ERO1B: variants seen among roughly 807,000 people sequenced by gnomAD.
ERO1B encodes endoplasmic reticulum oxidoreductase 1 beta.
ERO1B carries 49 observed loss-of-function variants against 75.3 expected under a neutral mutation model. The observed-to-expected ratio is 0.65, with a 90% CI of 0.52 to 0.83. The LOEUF is 0.83. Ranked by LOEUF, ERO1B falls within the 40% of genes least tolerant of loss-of-function variation. The pLI is 0.00. For missense variants in ERO1B, 512 were observed against 560.1 expected (o/e 0.91, Z 0.87); for synonymous variants, 191 against 192.9 (o/e 0.99, Z 0.08).
intron 2 of ERO1B, among the ~76,000 whole-genome samples, chr1:236,259,343 A>G (rs1665237705): frequency 6.6e-6 from 1 of 152,234 alleles, no homozygotes. Context: ...TTACAGATTA[A>G]CAAAAAAAGC....
At chr1:236,228,803 G>C (rs1664334022) in intron 10 of ERO1B, among the ~76,000 whole-genome samples, 1 of 152,164 alleles carries the variant, frequency 6.6e-6, no homozygotes, top group African/African-American at 2.4e-5. Flanking sequence ...AGAAAAGGTT[G>C]AGTCAGCTGC....
intron 4 of ERO1B, chr1:236,251,543 T>C: frequency 1.3e-6 from 1 of 764,188 alleles, no homozygotes; most frequent in Non-Finnish European, 1.6e-6. Flanking sequence ...ATGATGATCT[T>C]TATTATGGAT....
intron 9 of ERO1B, among the ~76,000 whole-genome samples, chr1:236,230,476 G>A (rs1047285604): frequency 3.3e-5 from 5 of 151,752 alleles, no homozygotes; most frequent in Admixed American, 1.3e-4. Context: ...AGCCGGGTAT[G>A]GAGGTGCAGG....
At chr1:236,279,621 G>A (rs1665784114) in intron 1 of ERO1B, among the ~76,000 whole-genome samples, 1 of 150,982 alleles carries the variant, frequency 6.6e-6, no homozygotes, top group African/African-American at 2.4e-5. Context: ...CTTAGGTCAG[G>A]AGTTCAAGAC....
intron 3 of ERO1B, among the ~76,000 whole-genome samples, chr1:236,252,810 T>G (rs1301338726): frequency 1.3e-5 from 2 of 152,038 alleles, no homozygotes; most frequent in Non-Finnish European, 2.9e-5. Flanking sequence ...GACAACAAAC[T>G]AGACTAACTG....
intron 1 of ERO1B, among the ~76,000 whole-genome samples, chr1:236,279,115 T>G (rs542144435): frequency 3.8e-4 from 58 of 152,334 alleles, no homozygotes; most frequent in African/African-American, 7.9e-4. Flanking sequence ...CTCATTCAAT[T>G]AAGACATTTA....
chr1:236,240,805 A>G (rs1343538037), intron 6 of ERO1B, among the ~76,000 whole-genome samples: 1 of 152,166 alleles, frequency 6.6e-6, no homozygotes. Flanking sequence ...GATACACTCA[A>G]TAATATGCCA....
chr1:236,239,157 G>A (rs889556842), intron 6 of ERO1B, among the ~76,000 whole-genome samples: 5 of 151,524 alleles, frequency 3.3e-5, no homozygotes, highest in African/African-American at 1.2e-4. Context: ...TATTCCCTTA[G>A]TTTAATCAAT....
intron 10 of ERO1B, 121 bp downstream of exon 10, chr1:236,230,098 CATTTT>C (rs1200756152): frequency 1.3e-6 from 1 of 742,648 alleles, no homozygotes; most frequent in African/African-American, 1.9e-5. Flanking sequence ...ACCTAAAACA[CATTTT>C]TTTTTTCAAA....
chr1:236,268,626 C>T (rs977473992), intron 2 of ERO1B, among the ~76,000 whole-genome samples: 4 of 152,160 alleles, frequency 2.6e-5, no homozygotes, highest in Non-Finnish European at 5.9e-5. Flanking sequence ...GTGGCTCACG[C>T]CTGTAATCCC....
chr1:236,229,495 AC>A (rs1284989243), intron 10 of ERO1B, among the ~76,000 whole-genome samples: 1 of 152,036 alleles, frequency 6.6e-6, no homozygotes, highest in Non-Finnish European at 1.5e-5. Flanking sequence ...AATTAGTTTT[AC>A]TCTGTAGTAT....
At chr1:236,242,579 T>C (rs1168972370) in intron 6 of ERO1B, among the ~76,000 whole-genome samples, 2 of 152,150 alleles carry the variant, frequency 1.3e-5, no homozygotes, top group Non-Finnish European at 2.9e-5. Context: ...GCTGGATTTA[T>C]AGCACAATTC....
chr1:236,265,992 A>G (rs978150765), intron 2 of ERO1B, among the ~76,000 whole-genome samples: 3 of 152,156 alleles, frequency 2.0e-5, no homozygotes, highest in African/African-American at 7.2e-5. Context: ...CCCACCCTCC[A>G]ATTCCCCAAT....
chr1:236,252,789 A>G (rs1013379729), intron 3 of ERO1B, among the ~76,000 whole-genome samples: 3 of 152,198 alleles, frequency 2.0e-5, no homozygotes, highest in Admixed American at 2.0e-4. Flanking sequence ...ACATTGGTAC[A>G]GATTTTTAAG....
At chr1:236,222,993 A>G (rs1274085456) in intron 13 of ERO1B, among the ~76,000 whole-genome samples, 3 of 152,130 alleles carry the variant, frequency 2.0e-5, no homozygotes, top group South Asian at 2.1e-4. Flanking sequence ...ACTTGAGGTC[A>G]TAAGTTTGAG....
In ERO1B at chr1:236,220,932, A is replaced by G. The variant is rs145821086; in HGVS notation, c.1243T>C (p.Phe415Leu). The G allele has an allele frequency of 2.6e-4, 423 of 1,602,822 alleles. No individual in the cohort carries two copies. Among genetic ancestry groups the G allele is most frequent in the Middle Eastern group, 2.0e-3 (12 of 5,996 alleles). Residue 415 changes from phenylalanine (F) to leucine (L), a missense_variant, in exon 15 of 16, where the codon TTC becomes CTC. By Grantham distance (22) the Phe-to-Leu change is conservative (BLOSUM62 0). Transcript: ENST00000354619. ...QGLGTALKIL[F>L]SEKEIQKLPE... ...AGCTTTTGGATTTCTTTTTCAGAGAATAATATCTTCAGGGCAGTTCCTAAA... is the reference window on the plus strand; with the variant it reads ...AGCTTTTGGATTTCTTTTTCAGAGAGTAATATCTTCAGGGCAGTTCCTAAA...
chr1:236,228,281 A>T (rs1489612475), intron 10 of ERO1B, among the ~76,000 whole-genome samples: 2 of 152,226 alleles, frequency 1.3e-5, no homozygotes, highest in African/African-American at 4.8e-5. Flanking sequence ...GGAGAGGAAT[A>T]GAAATGTATT....
At chr1:236,281,590 G>GCCCGGCCCTGCCCGGCCCTT (rs1378396343) in intron 1 of ERO1B, 92 bp downstream of exon 1, 1 of 990,822 alleles carries the variant, frequency 1.0e-6, no homozygotes, top group Non-Finnish European at 1.3e-6. Flanking sequence ...GCCCGGCCCT[G>GCCCGGCCCTGCCCGGCCCTT]CCCGGCCCTC....
At chr1:236,251,532 T>C in intron 4 of ERO1B, 5 of 862,760 alleles carry the variant, frequency 5.8e-6, no homozygotes, top group African/African-American at 1.8e-5. Context: ...AGAGAGAGGG[T>C]ATGATGATCT....
Sources: gnomAD v4.1 joint callset for allele counts (sites outside exome capture counted in the v4.1 genomes callset) on GRCh38, gnomAD v4.1.1 for gene constraint, MANE v1.5 for transcripts, NCBI Gene and HGNC (gene_info 2026-07-23, HGNC 2026-07-21) for gene names.